Variants in MMP16 observed in about 807,000 individuals in gnomAD.
MMP16 encodes the protein matrix metallopeptidase 16, also known as matrix metalloproteinase-16.
Under a neutral mutation model 67.8 loss-of-function variants are expected in MMP16, and 12 were observed. That is an observed-to-expected ratio of 0.18 (90% CI 0.11 to 0.29). MMP16 has a LOEUF of 0.29. MMP16 is among the 10% of genes least tolerant of loss of function. The probability of loss-of-function intolerance (pLI) is 1.00; values close to 1 mark genes in which losing one functional copy is unlikely to be tolerated. For synonymous variants in MMP16, 249 were observed against 255.9 expected, an observed-to-expected ratio of 0.97 and a Z score of 0.26; for missense variants, 475 against 765.7, an observed-to-expected ratio of 0.62 and a Z score of 4.48.
At chr8:88,154,941 T>G (rs180940881) in intron 4 of MMP16, among the ~76,000 whole-genome samples, 120 of 152,254 alleles carry the variant, frequency 7.9e-4, no homozygotes, top group Non-Finnish European at 1.5e-4. Context: ...TCTGCTTTTC[T>G]TATGGCAGTA....
intron 6 of MMP16, among the ~76,000 whole-genome samples, chr8:88,078,529 TATCAGTAG>T (rs1444375820): frequency 3.3e-5 from 5 of 152,158 alleles, no homozygotes; most frequent in African/African-American, 1.2e-4. Context: ...AATGATCTAC[TATCAGTAG>T]AAATTGCTGT....
intron 6 of MMP16, among the ~76,000 whole-genome samples, chr8:88,086,382 T>G (rs979522824): frequency 6.6e-6 from 1 of 152,052 alleles, no homozygotes; most frequent in East Asian, 1.9e-4. Context: ...ATTAGCAAGG[T>G]GCTCTATTAA....
intron 1 of MMP16, among the ~76,000 whole-genome samples, chr8:88,315,461 C>A (rs935796843): frequency 6.6e-6 from 1 of 152,052 alleles, no homozygotes; most frequent in Admixed American, 6.6e-5. Flanking sequence ...AACAGAGACC[C>A]AAAAACTCAC....
intron 6 of MMP16, among the ~76,000 whole-genome samples, chr8:88,087,920 G>A (rs1808862929): frequency 6.7e-6 from 1 of 148,952 alleles, no homozygotes; most frequent in Non-Finnish European, 1.5e-5. Context: ...CTACAGCCTA[G>A]GGTAACAGAG....
chr8:88,235,950 T>G (rs897620491), intron 1 of MMP16, among the ~76,000 whole-genome samples: 1 of 151,854 alleles, frequency 6.6e-6, no homozygotes, highest in Admixed American at 6.6e-5. Context: ...CCTCATAAAG[T>G]TCAAGTCAAG....
At chr8:88,277,227 G>A (rs1025511647) in intron 1 of MMP16, among the ~76,000 whole-genome samples, 2 of 152,148 alleles carry the variant, frequency 1.3e-5, no homozygotes, top group African/African-American at 4.8e-5. Flanking sequence ...ATGGGCAAAA[G>A]CAGGGAAAAA....
intron 1 of MMP16, among the ~76,000 whole-genome samples, chr8:88,288,400 G>A (rs1810867498): frequency 6.6e-6 from 1 of 151,796 alleles, no homozygotes; most frequent in African/African-American, 2.4e-5. Flanking sequence ...TGCTATATCA[G>A]ATGACAGTGG....
chr8:88,324,557 TG>T (rs1811509178), intron 1 of MMP16, among the ~76,000 whole-genome samples: 3 of 152,136 alleles, frequency 2.0e-5, no homozygotes, highest in Admixed American at 1.3e-4. Context: ...CTGTGCTTAC[TG>T]AAAAAAAATT....
At chr8:88,089,034 T>A (rs1033352368) in intron 6 of MMP16, among the ~76,000 whole-genome samples, 1 of 152,066 alleles carries the variant, frequency 6.6e-6, no homozygotes, top group Admixed American at 6.6e-5. Flanking sequence ...TCTGAGCAAC[T>A]GGGAATCTAA....
intron 1 of MMP16, among the ~76,000 whole-genome samples, chr8:88,319,839 G>A (rs939896423): frequency 5.3e-5 from 8 of 152,192 alleles, no homozygotes; most frequent in African/African-American, 1.7e-4. Flanking sequence ...GTTTATTTGG[G>A]TTTCTTTGGT....
At chr8:88,226,190 C>A (rs991375473) in intron 1 of MMP16, among the ~76,000 whole-genome samples, 1 of 151,742 alleles carries the variant, frequency 6.6e-6, no homozygotes, top group Non-Finnish European at 1.5e-5. Flanking sequence ...TTCAAACATT[C>A]ATCTTTTTTC....
rs59310737 is a variant in MMP16 at position 88,184,563 on chromosome 8, G to GAAAAAAA, written c.404+1906_404+1912dup. Among the ~76,000 whole-genome samples the GAAAAAAA allele has an allele frequency of 1.3e-3, 14 of 10,936 alleles. 2 individuals carry two copies. The highest frequency in any genetic ancestry group is 4.8e-3 in the African/African-American group (9 of 1,886). The allele number at this position is 10,936 out of a possible 152,430, so 7.2% of individuals were successfully genotyped here. On this transcript the variant is annotated intron_variant, in intron 3 of 9. Coordinates refer to ENST00000286614, the MANE Select transcript of MMP16 (RefSeq NM_005941.5). ...GGGCAAATGGTAAAACTCTCTCTCT[G>GAAAAAAA]AAAAAAAAAAAAAAAAAAAAAAAAA...
chr8:88,259,611 AAAAG>A (rs1281148324), intron 1 of MMP16, among the ~76,000 whole-genome samples: 2 of 152,150 alleles, frequency 1.3e-5, no homozygotes, highest in Non-Finnish European at 2.9e-5. Context: ...AAAAATAAAA[AAAAG>A]AAAGGAAAGA....
intron 3 of MMP16, among the ~76,000 whole-genome samples, chr8:88,171,244 TTACCATTAGTAAA>T (rs1808797835): frequency 6.6e-6 from 1 of 152,214 alleles, no homozygotes; most frequent in Non-Finnish European, 1.5e-5. Context: ...TTATATATGA[TTACCATTAGTAAA>T]TACAAGATAC....
At chr8:88,122,258 A>AT (rs28907628) in intron 4 of MMP16, among the ~76,000 whole-genome samples, 8,362 of 151,888 alleles carry the variant, frequency 0.055, 348 homozygotes, top group Admixed American at 0.11. Context: ...GAAACTCAGC[A>AT]TTTTTTTTCC....
chr8:88,264,987 T>C (rs1052479006), intron 1 of MMP16, among the ~76,000 whole-genome samples: 2 of 152,234 alleles, frequency 1.3e-5, no homozygotes, highest in Non-Finnish European at 2.9e-5. Context: ...TCCCTGCCCC[T>C]ACCGATCCTC....
At chr8:88,161,827 A>T (rs1359461593) in intron 4 of MMP16, among the ~76,000 whole-genome samples, 1 of 152,108 alleles carries the variant, frequency 6.6e-6, no homozygotes, top group Admixed American at 6.6e-5. Flanking sequence ...GTCACTATTC[A>T]GGAGCAGGTT....
At chr8:88,074,321 G>C (rs1196296259) in intron 7 of MMP16, among the ~76,000 whole-genome samples, 1 of 152,058 alleles carries the variant, frequency 6.6e-6, no homozygotes, top group Non-Finnish European at 1.5e-5. Flanking sequence ...CCTTTAGTCA[G>C]TGCAGAAATG....
intron 4 of MMP16, among the ~76,000 whole-genome samples, chr8:88,161,105 T>C (rs922139238): frequency 3.9e-5 from 6 of 152,202 alleles, no homozygotes; most frequent in African/African-American, 1.2e-4. Flanking sequence ...TTGATTAGAA[T>C]AGTTTCAGAA....
Sources: gnomAD v4.1 joint callset for allele counts (sites outside exome capture counted in the v4.1 genomes callset) on GRCh38, gnomAD v4.1.1 for gene constraint, MANE v1.5 for transcripts, NCBI Gene and HGNC (gene_info 2026-07-23, HGNC 2026-07-21) for gene names.